Variants in CYP2C18 observed in about 807,000 individuals in gnomAD.
The protein encoded by CYP2C18 is cytochrome P450 2C18.
A neutral mutation model predicts 41.3 loss-of-function variants in CYP2C18; 38 were observed. The ratio of observed to expected loss-of-function variants is 0.92; its 90% CI spans 0.71 to 1.21. The LOEUF is 1.21. CYP2C18 is among the 50% of genes most tolerant of loss of function. The pLI is 0.00. For missense variants in CYP2C18, 635 were observed against 591.4 expected (o/e 1.07, Z -0.77); for synonymous variants, 236 against 210.0 (o/e 1.12, Z -1.07).
At chr10:94,704,478 GAC>G (rs1460720617) in intron 4 of CYP2C18, among the ~76,000 whole-genome samples, 1 of 151,494 alleles carries the variant, frequency 6.6e-6, no homozygotes, top group Non-Finnish European at 1.5e-5. Context: ...GCAAAAAAGA[GAC>G]ATAGAAAAAA....
At chr10:94,733,511 A>T (rs1847869741) in intron 8 of CYP2C18, 73 bp downstream of exon 8, 1 of 1,589,870 alleles carries the variant, frequency 6.3e-7, no homozygotes, top group Non-Finnish European at 8.6e-7. Flanking sequence ...CTCTTACATG[A>T]TGCCACCTCT....
At position 94,687,791 on chromosome 10, in the gene CYP2C18, G is replaced by C; in HGVS notation, c.190G>C (p.Val64Leu). The change falls in exon 2 of 9, where the codon GTG becomes CTG. Residue 64 changes from valine (V) to leucine (L), a missense_variant. Val to Leu is a conservative substitution (Grantham distance 32, BLOSUM62 1). Transcript: ENST00000285979. Reference protein sequence around the residue: ...LTNFSKVYGPVFTVYFGLKPI... With the variant: ...LTNFSKVYGPLFTVYFGLKPI... Reference sequence around the variant, plus strand: ...TTAGTTCTCAAAAGTCTATGGCCCTGTGTTCACTGTGTATTTTGGCCTGAA... The same window carrying C: ...TTAGTTCTCAAAAGTCTATGGCCCTCTGTTCACTGTGTATTTTGGCCTGAA... 6.2e-7 allele frequency: 1 copy of C among 1,613,506 alleles called. No individual in the cohort carries two copies.
At position 94,735,315 on chromosome 10, in the gene CYP2C18, C is replaced by T; in HGVS notation, c.1344C>T (p.Phe448=). 1 of 1,613,684 alleles carries T rather than the reference C, an allele frequency of 6.2e-7. No homozygotes were observed. Among genetic ancestry groups the T allele is most frequent in the Non-Finnish European group, 8.5e-7 (1 of 1,179,748 alleles). Reference sequence around the variant, plus strand: ...TGGCCCGCATGGAGCTGTTTTTATTCCTGACCACCATTTTGCAGAACTTTA... The same window carrying T: ...TGGCCCGCATGGAGCTGTTTTTATTTCTGACCACCATTTTGCAGAACTTTA... The part of the protein sequence containing the change: ...EGLARMELFL[F]LTTILQNFNL... Residue 448 remains phenylalanine (F), a synonymous_variant, in exon 9 of 9, where the codon TTC becomes TTT. Transcript: ENST00000285979.
At chr10:94,724,293 A>G (rs1371941480) in intron 6 of CYP2C18, 53 bp from the exon 7 acceptor site, 3 of 1,581,034 alleles carry the variant, frequency 1.9e-6, no homozygotes, top group African/African-American at 2.7e-5. Context: ...AATTGCTACA[A>G]CAAATGTGCC....
chr10:94,730,818 G>GACC (rs1257952920), intron 7 of CYP2C18, among the ~76,000 whole-genome samples: 3 of 152,168 alleles, frequency 2.0e-5, no homozygotes, highest in African/African-American at 7.2e-5. Flanking sequence ...AGGGATAAAT[G>GACC]ACCAGTAAAG....
chr10:94,690,069 G>GGAGT (rs1846967172), intron 3 of CYP2C18, among the ~76,000 whole-genome samples: 1 of 152,084 alleles, frequency 6.6e-6, no homozygotes, highest in African/African-American at 2.4e-5. Flanking sequence ...TCCATGGTGT[G>GGAGT]GAGTGCCCCT....
rs535355443 is a variant in CYP2C18, at chr10:94,709,452, TTATATTTTTAAAA to T, written c.819+2494_819+2506del. Among the ~76,000 whole-genome samples, 1,361 of 152,318 alleles carry T rather than the reference TTATATTTTTAAAA, an allele frequency of 8.9e-3. 22 individuals carry two copies. The highest frequency in any genetic ancestry group is 0.03 in the African/African-American group (1,235 of 41,564). On this transcript the variant is annotated intron_variant, in intron 5 of 8. Coordinates refer to ENST00000285979, the MANE Select transcript of CYP2C18 (RefSeq NM_000772.3). ...TTTTGTCCGTTTTTAAATTAGGTTA[TTATATTTTTAAAA>T]TTATTGAGATGGAAAAGTTTTTATA...
At chr10:94,720,818 T>C (rs1171174848) in intron 6 of CYP2C18, among the ~76,000 whole-genome samples, 1 of 152,150 alleles carries the variant, frequency 6.6e-6, no homozygotes, top group Non-Finnish European at 1.5e-5. Context: ...CTAGATTTCA[T>C]GGGAGACGAT....
Position 94,706,862 on chromosome 10 carries a change from A to G in CYP2C18, c.721A>G (p.Lys241Glu), listed in dbSNP as rs1175184065. 5.0e-6 allele frequency: 8 copies of G among 1,611,702 alleles called. No homozygotes were observed. Among genetic ancestry groups the G allele is most frequent in the Non-Finnish European group, 6.8e-6 (8 of 1,178,160 alleles). Reference protein sequence around the residue: ...NKIAENFAYIKSYVLERIKEH... With the variant: ...NKIAENFAYIESYVLERIKEH... ...AATAGCTGAAAATTTTGCTTACATT[A>G]AAAGTTATGTATTGGAGAGAATAAA... The change falls in exon 5 of 9, where the codon AAA (lysine) becomes GAA (glutamate). Residue 241 changes from lysine to glutamate, a missense_variant. Lys to Glu is a moderately conservative substitution (Grantham distance 56). Transcript: ENST00000285979.
intron 4 of CYP2C18, among the ~76,000 whole-genome samples, chr10:94,699,429 A>G (rs1205858436): frequency 1.3e-5 from 2 of 152,076 alleles, no homozygotes; most frequent in Non-Finnish European, 2.9e-5. Context: ...AAATTCAACA[A>G]CCCTTCATGC....
intron 5 of CYP2C18, among the ~76,000 whole-genome samples, chr10:94,707,838 G>T (rs1215032725): frequency 6.6e-6 from 1 of 152,192 alleles, no homozygotes; most frequent in Non-Finnish European, 1.5e-5. Context: ...GGAAATTTCA[G>T]TAATGAGAGC....
At position 94,720,488 on chromosome 10, in the gene CYP2C18, C is replaced by G; in HGVS notation, c.912C>G (p.Thr304=). ...MFGAGTETTS[T]TLRYGLLLLL... is the part of the protein sequence containing the mutation. Reference sequence around the variant, plus strand: ...GGGCTGGAACAGAGACAACGAGCACCACTCTGAGATATGGACTCCTGCTCC... The same window carrying G: ...GGGCTGGAACAGAGACAACGAGCACGACTCTGAGATATGGACTCCTGCTCC... The change falls in exon 6 of 9, where the codon ACC becomes ACG. Residue 304 remains threonine (T), a synonymous_variant. Coordinates refer to ENST00000285979, the MANE Select transcript of CYP2C18 (RefSeq NM_000772.3). 6.2e-7 allele frequency: 1 copy of G among 1,613,408 alleles called. No individual in the cohort carries two copies. Among genetic ancestry groups the G allele is most frequent in the Non-Finnish European group, 8.5e-7 (1 of 1,179,570 alleles).
intron 7 of CYP2C18, among the ~76,000 whole-genome samples, chr10:94,725,711 G>C (rs545519859): frequency 2.6e-5 from 4 of 151,778 alleles, no homozygotes; most frequent in African/African-American, 9.7e-5. Flanking sequence ...TGCATCAATC[G>C]ATATGGCCAT....
chr10:94,728,456 T>C (rs552867636), intron 7 of CYP2C18: 7 of 155,274 alleles, frequency 4.5e-5, no homozygotes, highest in African/African-American at 1.7e-4. Context: ...CCAGTAGTTT[T>C]AAAGTTAATT....
At chr10:94,731,263 C>T (rs1847827062) in intron 7 of CYP2C18, among the ~76,000 whole-genome samples, 1 of 152,012 alleles carries the variant, frequency 6.6e-6, no homozygotes, top group South Asian at 2.1e-4. Flanking sequence ...GCCTGTAGTC[C>T]CAGCTACTTG....
intron 5 of CYP2C18, among the ~76,000 whole-genome samples, chr10:94,715,816 C>A (rs952795479): frequency 1.3e-5 from 2 of 151,038 alleles, no homozygotes; most frequent in Admixed American, 1.3e-4. Flanking sequence ...TGGTCCTGGA[C>A]TTTTTTTTTG....
chr10:94,691,670 CTACTT>C (rs1847002671), intron 3 of CYP2C18, among the ~76,000 whole-genome samples: 1 of 152,150 alleles, frequency 6.6e-6, no homozygotes, highest in Non-Finnish European at 1.5e-5. Flanking sequence ...TTGGAAAAAA[CTACTT>C]TAAAGTTCAT....
rs1162163534 is a variant in CYP2C18, at chr10:94,724,410, G to T, written c.1026G>T (p.Arg342Ser). ...ACCGGAGCCCCTGTATGCAGGACAG[G>T]AGTCACATGCCCTACACAGATGCTG... ...GRNRSPCMQD[R>S]SHMPYTDAVV... Residue 342 changes from arginine to serine, a missense_variant, in exon 7 of 9, where the codon AGG becomes AGT. By Grantham distance (110) the Arg-to-Ser change is moderately radical (BLOSUM62 -1). Coordinates refer to ENST00000285979, the MANE Select transcript of CYP2C18 (RefSeq NM_000772.3). The T allele has an allele frequency of 3.7e-6, 6 of 1,613,566 alleles. No individual in the cohort carries two copies. Among genetic ancestry groups the T allele is most frequent in the Non-Finnish European group, 5.1e-6 (6 of 1,179,688 alleles).
intron 4 of CYP2C18, among the ~76,000 whole-genome samples, chr10:94,703,654 A>G (rs1400887373): frequency 6.6e-6 from 1 of 152,126 alleles, no homozygotes; most frequent in African/African-American, 2.4e-5. Context: ...AAGCTAGTGG[A>G]TCTTAGCTTG....
Sources: allele counts gnomAD v4.1 joint callset (sites outside exome capture counted in the v4.1 genomes callset), GRCh38; gene constraint gnomAD v4.1.1; transcripts MANE v1.5; gene names NCBI Gene and HGNC (gene_info 2026-07-23, HGNC 2026-07-21).